Variants in ARHGAP45 observed in about 807,000 individuals in gnomAD.
ARHGAP45 encodes the protein Rho GTPase activating protein 45, also known as rho GTPase-activating protein 45.
ARHGAP45 carries 56 observed loss-of-function variants against 116.1 expected under a neutral mutation model. The ratio of observed to expected loss-of-function variants is 0.48; its 90% confidence interval spans 0.39 to 0.60. ARHGAP45 has a LOEUF of 0.60. Among genes scored for constraint, ARHGAP45 ranks in the 20% least tolerant of loss-of-function variants. The pLI is 0.00. For synonymous variants in ARHGAP45, 866 were observed against 701.7 expected (o/e 1.23, Z -3.70); for missense variants, 1,622 against 1,601.0 (o/e 1.01, Z -0.22).
chr19:1,081,281 G>A (rs1383791308), intron 17 of ARHGAP45: 9 of 654,914 alleles, frequency 1.4e-5, no homozygotes, highest in Non-Finnish European at 2.1e-5. Flanking sequence ...AGACCTGGAG[G>A]GTGAAGAGTC....
At position 1,086,086 on chromosome 19, in the gene ARHGAP45, T is replaced by C. The variant is rs2043638221; in HGVS notation, c.*80T>C. 1.5e-6 allele frequency: 2 copies of C among 1,295,422 alleles called. No homozygotes were observed. Among genetic ancestry groups the C allele is most frequent in the Non-Finnish European group, 2.2e-6 (2 of 921,978 alleles). The allele number at this position is 1,295,422 out of a possible 1,614,324, so 80.2% of individuals were successfully genotyped here. A position where few individuals can be genotyped will look rare whatever the true frequency, so the allele number is the denominator to read the frequency against. ...CCAGCACGTCCCCTGCACCACGGCA[T>C]AGCTTAGGTGCGCCGTCCTGGGGTC... On this transcript the variant is annotated 3_prime_UTR_variant, in exon 23 of 23. Transcript: ENST00000313093.
rs891148079 is a variant in ARHGAP45, at chr19:1,083,042, A to G, written c.2720A>G (p.Gln907Arg). ...CCGCCTGAGAACCGGGCCTCGCTGC[A>G]GTACCTGCTGCGTCACCTACGCAGG... ...DLPPENRASL[Q>R]YLLRHLRRIV... The change falls in exon 20 of 23, where the codon CAG (glutamine) becomes CGG (arginine). Residue 907 changes from glutamine to arginine, a missense_variant. Around this residue, in one of 3 missense-constraint regions of ARHGAP45, gnomAD observed 1,334 missense variants for 1,263.8 expected, o/e 1.06. Transcript: ENST00000313093. 8.4e-6 allele frequency: 13 copies of G among 1,546,870 alleles called. No individual in the cohort carries two copies. The highest frequency in any genetic ancestry group is 1.1e-5 in the Non-Finnish European group (13 of 1,151,214).
intron 3 of ARHGAP45, 67 bp from the exon 4 acceptor site, chr19:1,073,439 C>A: frequency 1.3e-6 from 2 of 1,570,820 alleles, no homozygotes; most frequent in South Asian, 2.2e-5. Context: ...GGGCTCCGGT[C>A]AGTTCTTGCA....
chr19:1,066,024 C>T, upstream of ARHGAP45: 1 of 1,535,404 alleles, frequency 6.5e-7, no homozygotes, highest in Non-Finnish European at 8.7e-7. Context: ...GCCCTCAGCG[C>T]CATGAGTCGG....
At chr19:1,079,271 C>T (rs950775349) in intron 11 of ARHGAP45, among the ~76,000 whole-genome samples, 3 of 151,510 alleles carry the variant, frequency 2.0e-5, no homozygotes, top group Non-Finnish European at 2.9e-5. Context: ...GAGGCTGAGA[C>T]GGGCAGATCA....
At position 1,068,895 on chromosome 19, in the gene ARHGAP45, A is replaced by T. The variant is rs2043088823; in HGVS notation, c.421+151A>T. On this transcript the variant is annotated intron_variant, in intron 2 of 22. Coordinates refer to ENST00000313093, the MANE Select transcript of ARHGAP45 (RefSeq NM_012292.5). The surrounding 1 kb of genome is among the most constrained non-coding windows in gnomAD (Gnocchi z 7.5). ...AGAGGCCATGACAGCTAAGGCTCTGAGGGATGTGTAGGAGTTTGGTGGGGG... is the reference window on the plus strand; with the variant it reads ...AGAGGCCATGACAGCTAAGGCTCTGTGGGATGTGTAGGAGTTTGGTGGGGG... 1 of 741,516 alleles carries T rather than the reference A, an allele frequency of 1.3e-6. No homozygotes were observed. The highest frequency in any genetic ancestry group is 2.2e-6 in the Non-Finnish European group (1 of 450,416). 45.9% of individuals were successfully genotyped at this position (741,516 alleles called of 1,614,324 possible).
Position 1,073,742 on chromosome 19 carries a change from G to A in ARHGAP45, c.719G>A (p.Ser240Asn). ...CTAGCAGTGCCTCCTGGGGACTCGA[G>A]CCAGGTGAGTGGGGTGGGCCAGGGC... Reference protein sequence around the residue: ...TLLAVPPGDSSQSMESLYGPG... With the variant: ...TLLAVPPGDSNQSMESLYGPG... The change falls in exon 5 of 23, where the codon AGC (serine) becomes AAC (asparagine). Residue 240 changes from serine (S) to asparagine (N), a missense_variant. By Grantham distance (46) the Ser-to-Asn change is conservative (BLOSUM62 1). Transcript: ENST00000313093. 2 of 1,589,464 alleles carry A rather than the reference G, an allele frequency of 1.3e-6. No homozygotes were observed. The highest frequency in any genetic ancestry group is 1.7e-6 in the Non-Finnish European group (2 of 1,167,598).
chr19:1,085,846 A>AGGACGGGGACGAGGACGG lies in ARHGAP45; in HGVS notation c.3262_3263insAGGACGGGGACGGGGACG (p.Asp1087_Gly1088insGluAspGlyAspGlyAsp). On this transcript the variant is annotated inframe_insertion, in exon 23 of 23. Transcript: ENST00000313093. Reference sequence around the variant, plus strand: ...GAGCAGCTGGAGGCCACAGCCCGGGAGGACGGGGACGGGGACGAGGACGGC... The same window carrying AGGACGGGGACGAGGACGG: ...GAGCAGCTGGAGGCCACAGCCCGGGAGGACGGGGACGAGGACGGGGACGGGGACGGGGACGAGGACGGC... 6.2e-7 allele frequency: 1 copy of AGGACGGGGACGAGGACGG among 1,611,176 alleles called. No individual in the cohort carries two copies.
At position 1,085,864 on chromosome 19, in the gene ARHGAP45, A is replaced by G. The variant is rs61734935; in HGVS notation, c.3269A>G (p.Glu1090Gly). The change falls in exon 23 of 23, where the codon GAG (glutamate) becomes GGG (glycine). Residue 1090 changes from glutamate to glycine, a missense_variant. Coordinates refer to ENST00000313093, the MANE Select transcript of ARHGAP45 (RefSeq NM_012292.5). ...ATAREDGDGDEDGPAQQLSGF... is the reference protein window; with the variant it reads ...ATAREDGDGDGDGPAQQLSGF... ...GCCCGGGAGGACGGGGACGGGGACG[A>G]GGACGGCCCGGCCCAGCAGCTCTCA... The G allele has an allele frequency of 3.9e-3, 6,223 of 1,609,126 alleles. 200 individuals are homozygous for G. In the African/African-American group the frequency reaches 0.076, roughly 20 times the overall value.
At chr19:1,077,374 C>CTTTTT (rs34571690) in intron 10 of ARHGAP45, 19 of 921,008 alleles carry the variant, frequency 2.1e-5, no homozygotes, top group East Asian at 2.7e-4. Flanking sequence ...TCCTCCCGTT[C>CTTTTT]TTTTTTTTTT....
chr19:1,081,176 G>T lies in ARHGAP45; in HGVS notation c.2190+112G>T, dbSNP rs977386728. On this transcript the variant is annotated intron_variant, in intron 17 of 22. Transcript: ENST00000313093. ...GTCCGGCCCAGAGCAGGGAGCAGTCGGACGCCTTTGGAAGGAAGCGAACGG... is the reference window on the plus strand; with the variant it reads ...GTCCGGCCCAGAGCAGGGAGCAGTCTGACGCCTTTGGAAGGAAGCGAACGG... 6 of 1,236,500 alleles carry T rather than the reference G, an allele frequency of 4.9e-6. No individual in the cohort carries two copies. In the African/African-American group the frequency reaches 7.5e-5, roughly 16 times the overall value. The allele number at this position is 1,236,500 out of a possible 1,614,324, so 76.6% of individuals were successfully genotyped here. A position where few individuals can be genotyped will look rare whatever the true frequency, so the allele number is the denominator to read the frequency against.
intron 22 of ARHGAP45, 81 bp from the exon 23 acceptor site, chr19:1,085,578 CA>C (rs2082242075): frequency 7.7e-6 from 8 of 1,033,008 alleles, no homozygotes; most frequent in Non-Finnish European, 9.8e-6. Context: ...TGTCTCTCCC[CA>C]TCTCTCCTGT....
At chr19:1,075,205 A>T (rs1436074117) in intron 10 of ARHGAP45, among the ~76,000 whole-genome samples, 1 of 148,526 alleles carries the variant, frequency 6.7e-6, no homozygotes, top group East Asian at 2.0e-4. Flanking sequence ...GTCTCTCAGG[A>T]CTGGGAAAGC....
In ARHGAP45 at chr19:1,074,347, G is replaced by A; in HGVS notation, c.933G>A (p.Met311Ile). The A allele has an allele frequency of 6.2e-7, 1 of 1,609,894 alleles. No individual in the cohort carries two copies. Among genetic ancestry groups the A allele is most frequent in the East Asian group, 2.2e-5 (1 of 44,812 alleles). ...ACACCCCTCTCCGGCCCGCAGAGAT[G>A]GAGTTTGCCAAGGGCCTGCAGAAGA... ...SYLEKRTTLE[M>I]EFAKGLQKIA... The change falls in exon 8 of 23, where the codon ATG becomes ATA. Residue 311 changes from methionine (M) to isoleucine (I), a missense_variant. Physicochemically the swap from Met to Ile is conservative, Grantham distance 10. Around this residue, in one of 3 missense-constraint regions of ARHGAP45, gnomAD observed 1,334 missense variants for 1,263.8 expected, o/e 1.06. Coordinates refer to ENST00000313093, the MANE Select transcript of ARHGAP45 (RefSeq NM_012292.5).
At chr19:1,067,143 G>A (rs2043048604), upstream of ARHGAP45, 1 of 1,174,230 alleles carries the variant, frequency 8.5e-7, no homozygotes. Context: ...TGGGGGCGGG[G>A]CCTGCGACCT....
At chr19:1,073,921 G>A (rs1344841342) in intron 5 of ARHGAP45, 27 bp from the exon 6 acceptor site, 2 of 1,537,186 alleles carry the variant, frequency 1.3e-6, no homozygotes, top group Admixed American at 4.0e-5. Context: ...GCATGGGGCT[G>A]GTCTCACCTG....
At chr19:1,081,151 G>A (rs2043422664) in intron 17 of ARHGAP45, 87 bp downstream of exon 17, 4 of 1,418,024 alleles carry the variant, frequency 2.8e-6, no homozygotes, top group African/African-American at 1.4e-5. Flanking sequence ...CCTCAGGAAT[G>A]TCCGGCCCAG....
At chr19:1,079,617 G>A in intron 11 of ARHGAP45, 86 bp from the exon 12 acceptor site, 2 of 1,507,572 alleles carry the variant, frequency 1.3e-6, no homozygotes, top group Admixed American at 2.0e-5. Context: ...GGGATGACAG[G>A]CGTCAGCCCC....
Position 1,085,866 on chromosome 19 carries a change from G to A in ARHGAP45, c.3271G>A (p.Asp1091Asn), listed in dbSNP as rs781711272. The change falls in exon 23 of 23, where the codon GAC (aspartate) becomes AAC (asparagine). Residue 1091 changes from aspartate to asparagine, a missense_variant. Transcript: ENST00000313093. ...CCGGGAGGACGGGGACGGGGACGAG[G>A]ACGGCCCGGCCCAGCAGCTCTCAGG... ...TAREDGDGDE[D>N]GPAQQLSGFN... is the part of the protein sequence containing the mutation. The A allele has an allele frequency of 6.8e-6, 11 of 1,612,804 alleles. No homozygotes were observed. The highest frequency in any genetic ancestry group is 6.7e-5 in the African/African-American group (5 of 74,906).
Sources: gnomAD v4.1 joint callset for allele counts (sites outside exome capture counted in the v4.1 genomes callset) on GRCh38, gnomAD v4.1.1 for gene constraint, gnomAD v4.1.1 regional missense constraint, Gnocchi (gnomAD v3.1) non-coding constraint, MANE v1.5 for transcripts, NCBI Gene and HGNC (gene_info 2026-07-23, HGNC 2026-07-21) for gene names.